DPYD: variants seen among roughly 807,000 people sequenced by gnomAD.
The protein encoded by DPYD is dihydropyrimidine dehydrogenase, also known as dihydropyrimidine dehydrogenase [NADP(+)].
DPYD carries 109 observed loss-of-function variants against 116.2 expected under a neutral mutation model. That is an observed-to-expected ratio of 0.94 (90% confidence interval 0.80 to 1.10). The LOEUF is 1.10. DPYD is among the 50% of genes least tolerant of loss of function. The probability of loss-of-function intolerance (pLI) is 0.00; values close to 1 mark genes in which losing one functional copy is unlikely to be tolerated. For missense variants in DPYD, 1,302 were observed against 1,254.5 expected (o/e 1.04, Z -0.57); for synonymous variants, 440 against 432.0 (o/e 1.02, Z -0.23).
At chr1:97,206,672 A>ATG (rs1659643192) in intron 19 of DPYD, among the ~76,000 whole-genome samples, 1 of 103,224 alleles carries the variant, frequency 9.7e-6, no homozygotes, top group African/African-American at 4.7e-5. Context: ...ATATATATAT[A>ATG]TATATATATA....
intron 7 of DPYD, among the ~76,000 whole-genome samples, chr1:97,686,812 A>T (rs927968693): frequency 1.3e-5 from 2 of 152,124 alleles, no homozygotes; most frequent in Non-Finnish European, 2.9e-5. Flanking sequence ...ATTTAATTAA[A>T]CAAAAGAGCT....
At chr1:97,622,990 G>C (rs2100774997) in intron 8 of DPYD, among the ~76,000 whole-genome samples, 1 of 152,122 alleles carries the variant, frequency 6.6e-6, no homozygotes. Flanking sequence ...ATACTGAAGG[G>C]CAAAACAGAT....
Position 97,546,517 on chromosome 1 carries a change from T to C in DPYD, c.1524+3043A>G, listed in dbSNP as rs1247875192. On this transcript the variant is annotated intron_variant, in intron 12 of 22. Transcript: ENST00000370192. Reference sequence around the variant, plus strand: ...ACAAAACAAAGATGATGAAGCAGAGTGGCAAGAATTACTACAAAGCATACA... The same window carrying C: ...ACAAAACAAAGATGATGAAGCAGAGCGGCAAGAATTACTACAAAGCATACA... 3 of 1,598,470 alleles carry C rather than the reference T, an allele frequency of 1.9e-6. No homozygotes were observed. In the Admixed American group the frequency reaches 5.0e-5, roughly 27 times the overall value.
chr1:97,121,226 T>C (rs1349338576), intron 20 of DPYD, among the ~76,000 whole-genome samples: 1 of 152,134 alleles, frequency 6.6e-6, no homozygotes, highest in Non-Finnish European at 1.5e-5. Flanking sequence ...AGGAATCTTG[T>C]GTCAAGAAAT....
intron 16 of DPYD, among the ~76,000 whole-genome samples, chr1:97,352,630 T>G (rs1670209094): frequency 6.6e-6 from 1 of 152,086 alleles, no homozygotes; most frequent in African/African-American, 2.4e-5. Context: ...AGGTCTACAC[T>G]GTTTTCAAAA....
intron 8 of DPYD, among the ~76,000 whole-genome samples, chr1:97,669,625 A>C (rs1659749683): frequency 6.6e-6 from 1 of 152,188 alleles, no homozygotes; most frequent in Admixed American, 6.5e-5. Flanking sequence ...TTAAGCACTT[A>C]AAGTCAAAAA....
chr1:97,513,106 T>C (rs1647928686), intron 13 of DPYD, among the ~76,000 whole-genome samples: 1 of 151,770 alleles, frequency 6.6e-6, no homozygotes, highest in Non-Finnish European at 1.5e-5. Flanking sequence ...GGCATTTCAC[T>C]GTAAGTCAAT....
At chr1:97,578,840 C>T (rs924782670) in intron 10 of DPYD, among the ~76,000 whole-genome samples, 6 of 151,830 alleles carry the variant, frequency 4.0e-5, no homozygotes, top group African/African-American at 1.5e-4. Context: ...ATTTATGAAC[C>T]CAATACTGTA....
chr1:97,214,550 T>C lies in DPYD; in HGVS notation c.2442+20302A>G, dbSNP rs553533548. On this transcript the variant is annotated intron_variant, in intron 19 of 22. Transcript: ENST00000370192. Reference sequence around the variant, plus strand: ...GAGTAATATAGTGGATTAAGTGCCATACTGGGCCAAACCACAGGGTGTTGA... The same window carrying C: ...GAGTAATATAGTGGATTAAGTGCCACACTGGGCCAAACCACAGGGTGTTGA... 6.6e-5 allele frequency among the ~76,000 whole-genome samples: 10 copies of C among 152,308 alleles called. 1 individual carries two copies. In the Middle Eastern group the frequency reaches 0.014, roughly 207 times the overall value.
intron 13 of DPYD, among the ~76,000 whole-genome samples, chr1:97,494,614 A>G (rs1001406108): frequency 6.6e-6 from 1 of 151,758 alleles, no homozygotes; most frequent in Non-Finnish European, 1.5e-5. Context: ...ATAGTGTCAC[A>G]CTCCTGTAGT....
chr1:97,406,700 A>G (rs2101652814), intron 14 of DPYD, among the ~76,000 whole-genome samples: 1 of 152,156 alleles, frequency 6.6e-6, no homozygotes, highest in South Asian at 2.1e-4. Context: ...ACTTCCAAGT[A>G]CCTTACATGT....
At chr1:97,546,720 G>C in intron 12 of DPYD, 1 of 1,613,226 alleles carries the variant, frequency 6.2e-7, no homozygotes, top group Non-Finnish European at 8.5e-7. Context: ...AGGAAGTAGA[G>C]CTGAAGTTTC....
chr1:97,681,964 T>C (rs1159016612), intron 7 of DPYD, among the ~76,000 whole-genome samples: 4 of 152,126 alleles, frequency 2.6e-5, no homozygotes, highest in Non-Finnish European at 5.9e-5. Context: ...GCAGGAAGAT[T>C]CAAGAAGACC....
At chr1:97,710,053 C>T (rs1662198238) in intron 5 of DPYD, among the ~76,000 whole-genome samples, 1 of 151,662 alleles carries the variant, frequency 6.6e-6, no homozygotes, top group Admixed American at 6.6e-5. Context: ...AAGTGTTTAC[C>T]TTGATTTCAT....
chr1:97,234,816 A>G (rs1462769316), intron 19 of DPYD, 36 bp downstream of exon 19: 2 of 1,612,438 alleles, frequency 1.2e-6, no homozygotes, highest in African/African-American at 2.7e-5. Context: ...TGTGAGATGG[A>G]GATTTTTAAA....
At chr1:97,429,046 GA>G (rs1253569021) in intron 14 of DPYD, among the ~76,000 whole-genome samples, 1 of 151,930 alleles carries the variant, frequency 6.6e-6, no homozygotes, top group Non-Finnish European at 1.5e-5. Flanking sequence ...GGCATTTTTA[GA>G]AATGAACATT....
At chr1:97,505,877 C>T (rs1647289292) in intron 13 of DPYD, among the ~76,000 whole-genome samples, 2 of 151,868 alleles carry the variant, frequency 1.3e-5, no homozygotes, top group South Asian at 2.1e-4. Flanking sequence ...GAAAAACATG[C>T]AAATGAGGAA....
chr1:97,903,645 A>G (rs1673472233), intron 1 of DPYD, among the ~76,000 whole-genome samples: 1 of 151,938 alleles, frequency 6.6e-6, no homozygotes, highest in African/African-American at 2.4e-5. Flanking sequence ...CTTTCTTGAT[A>G]CTGTCTTACA....
intron 4 of DPYD, among the ~76,000 whole-genome samples, chr1:97,725,236 T>C (rs566263310): frequency 6.6e-6 from 1 of 151,764 alleles, no homozygotes; most frequent in East Asian, 1.9e-4. Context: ...CAGAACTATA[T>C]GTATTAAAAA....
Sources: gnomAD v4.1 joint callset for allele counts (sites outside exome capture counted in the v4.1 genomes callset) on GRCh38, gnomAD v4.1.1 for gene constraint, MANE v1.5 for transcripts, NCBI Gene and HGNC (gene_info 2026-07-23, HGNC 2026-07-21) for gene names.